BTC: variants seen among roughly 807,000 people sequenced by gnomAD.
BTC encodes probetacellulin.
Under a neutral mutation model 18.1 loss-of-function variants are expected in BTC, and 13 were observed. That is an observed-to-expected ratio of 0.72 (90% CI 0.47 to 1.14). The LOEUF is 1.14. BTC is among the 50% of genes most tolerant of loss of function. The pLI, the probability that BTC is intolerant of heterozygous loss-of-function variation, is 0.00. For missense variants in BTC, 247 were observed against 224.2 expected (o/e 1.10, Z -0.65); for synonymous variants, 83 against 79.4 (o/e 1.05, Z -0.24).
intron 2 of BTC, among the ~76,000 whole-genome samples, chr4:74,756,234 T>G (rs1057133839): frequency 6.6e-6 from 1 of 152,148 alleles, no homozygotes; most frequent in Non-Finnish European, 1.5e-5. Context: ...GAAACTTTAG[T>G]GTCATTTAAA....
chr4:74,784,355 C>T (rs1285423768), intron 1 of BTC, among the ~76,000 whole-genome samples: 1 of 151,986 alleles, frequency 6.6e-6, no homozygotes, highest in Admixed American at 6.6e-5. Flanking sequence ...GGGTTTTCTA[C>T]ATATAGGATC....
intron 1 of BTC, among the ~76,000 whole-genome samples, chr4:74,770,585 CT>C (rs1331413828): frequency 2.0e-5 from 3 of 152,088 alleles, no homozygotes; most frequent in African/African-American, 7.2e-5. Flanking sequence ...ACTGAATGTG[CT>C]TCTTTCTGGG....
rs782566019 is a variant in BTC, at chr4:74,750,570, T to C, written c.428+3A>G. 1.9e-5 allele frequency: 30 copies of C among 1,604,010 alleles called. No homozygotes were observed. Among genetic ancestry groups the C allele is most frequent in the Non-Finnish European group, 2.5e-5 (29 of 1,177,236 alleles). ...ACTTAAAATTAAGTTTAAAAATACTTACTGACAGCATGTGCAGACACCGAT... is the reference window on the plus strand; with the variant it reads ...ACTTAAAATTAAGTTTAAAAATACTCACTGACAGCATGTGCAGACACCGAT... On this transcript the variant is annotated splice_donor_region_variant and intron_variant, in intron 4 of 5. Coordinates refer to ENST00000395743, the MANE Select transcript of BTC (RefSeq NM_001729.4).
In BTC at chr4:74,750,599, C is replaced by G; in HGVS notation, c.402G>C (p.Leu134Phe). Residue 134 changes from leucine (L) to phenylalanine (F), a missense_variant, in exon 4 of 6, where the codon TTG becomes TTC. Physicochemically the swap from Leu to Phe is conservative, Grantham distance 22. Transcript: ENST00000395743. ...LIAVMVVFII[L>F]VIGVCTCCHP... The stretch of plus-strand genomic sequence containing the variant: ...GACAGCATGTGCAGACACCGATGAC[C>G]AAAATAATAAAAACTACCATAACTG... 2 of 1,613,112 alleles carry G rather than the reference C, an allele frequency of 1.2e-6. No homozygotes were observed. Among genetic ancestry groups the G allele is most frequent in the Non-Finnish European group, 1.7e-6 (2 of 1,179,634 alleles).
chr4:74,750,129 C>T (rs1271097720), intron 4 of BTC, among the ~76,000 whole-genome samples: 1 of 151,944 alleles, frequency 6.6e-6, no homozygotes, highest in Admixed American at 6.6e-5. Flanking sequence ...AAAAATTGTG[C>T]AAAGCCACTC....
intron 2 of BTC, among the ~76,000 whole-genome samples, chr4:74,761,003 G>A (rs1481384394): frequency 6.6e-6 from 1 of 152,200 alleles, no homozygotes; most frequent in African/African-American, 2.4e-5. Context: ...CAAAGTGCTG[G>A]GATTACAGGC....
At chr4:74,788,333 C>T (rs754721449) in intron 1 of BTC, among the ~76,000 whole-genome samples, 17 of 151,998 alleles carry the variant, frequency 1.1e-4, no homozygotes, top group Non-Finnish European at 1.9e-4. Context: ...CCCATTTTTT[C>T]CTTCACCACT....
At chr4:74,791,501 T>G (rs937565346) in intron 1 of BTC, among the ~76,000 whole-genome samples, 2 of 152,200 alleles carry the variant, frequency 1.3e-5, no homozygotes, top group Non-Finnish European at 2.9e-5. Context: ...TAAACCAAAT[T>G]AATGCATATA....
chr4:74,749,535 C>T lies in BTC; in HGVS notation c.428+1038G>A, dbSNP rs1553955884. Among the ~76,000 whole-genome samples the T allele has an allele frequency of 2.0e-5, 3 of 150,272 alleles. 1 individual carries two copies. In the South Asian group the frequency reaches 6.3e-4, roughly 32 times the overall value. ...ATAAATAATCAAAGACTCCCTCTAC[C>T]GTAGTGCTTTTTTCCCTAGCACATT... On this transcript the variant is annotated intron_variant, in intron 4 of 5. Coordinates refer to ENST00000395743, the MANE Select transcript of BTC (RefSeq NM_001729.4).
rs919189440 is a variant in BTC, at chr4:74,794,244, C to T, written c.64+18G>A. On this transcript the variant is annotated intron_variant, in intron 1 of 5. Coordinates refer to ENST00000395743, the MANE Select transcript of BTC (RefSeq NM_001729.4). ...CAGACTTTCCTCCTGGTTTCCAGTG[C>T]CCAGCACGGCCACTTACCCAGGGCA... 8 of 1,549,998 alleles carry T rather than the reference C, an allele frequency of 5.2e-6. No homozygotes were observed. The African/African-American group carries it at 1.1e-4, about 21-fold the overall frequency.
intron 2 of BTC, among the ~76,000 whole-genome samples, chr4:74,765,271 CAA>C (rs1724870901): frequency 6.6e-6 from 1 of 151,278 alleles, no homozygotes; most frequent in African/African-American, 2.4e-5. Flanking sequence ...AAATTTTCAA[CAA>C]AGAGATAGAA....
At chr4:74,751,429 C>T (rs1210999923) in intron 3 of BTC, among the ~76,000 whole-genome samples, 2 of 152,082 alleles carry the variant, frequency 1.3e-5, no homozygotes, top group Non-Finnish European at 2.9e-5. Context: ...TATCTGATTC[C>T]TAAAACCACA....
At chr4:74,760,312 A>G (rs1724718845) in intron 2 of BTC, among the ~76,000 whole-genome samples, 1 of 152,210 alleles carries the variant, frequency 6.6e-6, no homozygotes, top group African/African-American at 2.4e-5. Context: ...TAACAAGGAG[A>G]CTGAGGAAGA....
chr4:74,777,932 T>G (rs1267771811), intron 1 of BTC, among the ~76,000 whole-genome samples: 1 of 152,186 alleles, frequency 6.6e-6, no homozygotes, highest in African/African-American at 2.4e-5. Context: ...GGGAACTTTC[T>G]TATTACATCT....
intron 1 of BTC, among the ~76,000 whole-genome samples, chr4:74,780,180 TG>T (rs1725282008): frequency 6.6e-6 from 1 of 152,264 alleles, no homozygotes; most frequent in Middle Eastern, 3.4e-3. Flanking sequence ...GTGTGGCCTA[TG>T]AAAAGAAGAC....
At chr4:74,754,164 T>A (rs1724536351) in intron 3 of BTC, among the ~76,000 whole-genome samples, 1 of 152,208 alleles carries the variant, frequency 6.6e-6, no homozygotes, top group African/African-American at 2.4e-5. Context: ...ATTGACTGTG[T>A]ATTATTCCTC....
intron 2 of BTC, among the ~76,000 whole-genome samples, chr4:74,768,696 T>G (rs1001662692): frequency 6.6e-6 from 1 of 152,160 alleles, no homozygotes; most frequent in Non-Finnish European, 1.5e-5. Context: ...AATATTGTAT[T>G]GTCCACTTTA....
chr4:74,788,876 G>A (rs1359996946), intron 1 of BTC, among the ~76,000 whole-genome samples: 3 of 152,228 alleles, frequency 2.0e-5, no homozygotes, highest in African/African-American at 4.8e-5. Context: ...GTAAGTCATC[G>A]TTAGCAAATC....
chr4:74,788,886 C>G (rs1725549594), intron 1 of BTC, among the ~76,000 whole-genome samples: 1 of 152,218 alleles, frequency 6.6e-6, no homozygotes, highest in Admixed American at 6.5e-5. Context: ...GTTAGCAAAT[C>G]TGAAGACATT....
Sources: gnomAD v4.1 joint callset for allele counts (sites outside exome capture counted in the v4.1 genomes callset) on GRCh38, gnomAD v4.1.1 for gene constraint, MANE v1.5 for transcripts, NCBI Gene and HGNC (gene_info 2026-07-23, HGNC 2026-07-21) for gene names.